RARB: variants seen among roughly 807,000 people sequenced by gnomAD.
The protein encoded by RARB is HBV-activated protein.
RARB carries 17 observed loss-of-function variants against 51.9 expected under a neutral mutation model. The observed-to-expected ratio is 0.33, with a 90% CI of 0.22 to 0.49. The LOEUF is 0.49. RARB is among the 20% of genes least tolerant of loss of function. RARB has a pLI of 0.99. For synonymous variants in RARB, 215 were observed against 195.4 expected (o/e 1.10, Z -0.84); for missense variants, 369 against 550.8 (o/e 0.67, Z 3.30).
chr3:25,107,833 A>G (rs1437166745), intron 3 of RARB, among the ~76,000 whole-genome samples: 1 of 152,224 alleles, frequency 6.6e-6, no homozygotes, highest in Admixed American at 6.5e-5. Flanking sequence ...CGTGGATAAA[A>G]TACTTGTTCT....
At chr3:25,221,648 G>T (rs1337334740) in intron 5 of RARB, among the ~76,000 whole-genome samples, 2 of 151,272 alleles carry the variant, frequency 1.3e-5, no homozygotes, top group Non-Finnish European at 3.0e-5. Context: ...ACCGTTTCTG[G>T]CAGTCTTAAA....
At chr3:24,856,741 A>G (rs1445476866) in intron 1 of RARB, among the ~76,000 whole-genome samples, 3 of 152,206 alleles carry the variant, frequency 2.0e-5, no homozygotes, top group Admixed American at 2.0e-4. Flanking sequence ...TGAAGTTACA[A>G]CAATTTGAAC....
At chr3:25,402,354 G>A (rs1274431800) in intron 5 of RARB, among the ~76,000 whole-genome samples, 1 of 152,140 alleles carries the variant, frequency 6.6e-6, no homozygotes. Context: ...ACTGTTGATG[G>A]GAATGTAAAT....
At chr3:25,152,261 C>T (rs1700299621) in intron 4 of RARB, among the ~76,000 whole-genome samples, 1 of 151,044 alleles carries the variant, frequency 6.6e-6, no homozygotes, top group Non-Finnish European at 1.5e-5. Flanking sequence ...GTGCTTTCAA[C>T]TCACTTGTCT....
At chr3:24,905,528 A>T (rs1314637562) in intron 2 of RARB, among the ~76,000 whole-genome samples, 2 of 152,192 alleles carry the variant, frequency 1.3e-5, no homozygotes, top group Non-Finnish European at 1.5e-5. Flanking sequence ...CTGGCCAGTG[A>T]GACACTGGGG....
At chr3:24,915,342 A>C (rs1695084362) in intron 2 of RARB, among the ~76,000 whole-genome samples, 1 of 152,228 alleles carries the variant, frequency 6.6e-6, no homozygotes, top group African/African-American at 2.4e-5. Flanking sequence ...AAATATTTTA[A>C]CACAAATCAT....
At position 25,596,788 on chromosome 3, in the gene RARB, T is replaced by C. The variant is rs1410105671; in HGVS notation, c.*172T>C. On this transcript the variant is annotated 3_prime_UTR_variant, in exon 8 of 8. Transcript: ENST00000330688. ...ATATATATACTCCTCACTGTGTAAC[T>C]TACCTAGAAATACAAACTTTTCCAA... 2 of 466,102 alleles carry C rather than the reference T, an allele frequency of 4.3e-6. No individual in the cohort carries two copies. The highest frequency in any genetic ancestry group is 3.4e-5 in the East Asian group (1 of 29,134). 28.9% of individuals were successfully genotyped at this position (466,102 alleles called of 1,614,324 possible).
chr3:24,866,125 A>T (rs1304571539), intron 2 of RARB, among the ~76,000 whole-genome samples: 1 of 151,998 alleles, frequency 6.6e-6, no homozygotes, highest in East Asian at 1.9e-4. Context: ...ATGAAGTCTA[A>T]CTCCTAGGCT....
intron 5 of RARB, among the ~76,000 whole-genome samples, chr3:25,208,411 G>A (rs1244674267): frequency 6.6e-6 from 1 of 152,084 alleles, no homozygotes; most frequent in African/African-American, 2.4e-5. Flanking sequence ...CAGTGATTCT[G>A]TTGAATTTCT....
chr3:25,209,303 T>C (rs1226828383), intron 5 of RARB, among the ~76,000 whole-genome samples: 1 of 152,220 alleles, frequency 6.6e-6, no homozygotes, highest in South Asian at 2.1e-4. Flanking sequence ...ATTGTGATTT[T>C]ATTCAACTTT....
intron 1 of RARB, among the ~76,000 whole-genome samples, chr3:25,459,678 A>T (rs1477336648): frequency 6.6e-6 from 1 of 152,194 alleles, no homozygotes; most frequent in Admixed American, 6.5e-5. Context: ...ATGGATTAAC[A>T]ATAAGTTTAG....
chr3:25,406,110 C>T (rs1221861109), intron 5 of RARB, among the ~76,000 whole-genome samples: 4 of 152,168 alleles, frequency 2.6e-5, no homozygotes, highest in African/African-American at 7.2e-5. Context: ...CTCTCCATTC[C>T]CGTGACTCTG....
At chr3:25,183,555 C>T (rs1700910507) in intron 5 of RARB, among the ~76,000 whole-genome samples, 1 of 152,144 alleles carries the variant, frequency 6.6e-6, no homozygotes, top group African/African-American at 2.4e-5. Context: ...AAAAACCATT[C>T]ATATTACAAG....
chr3:25,250,898 A>G (rs995041879), intron 5 of RARB, among the ~76,000 whole-genome samples: 9 of 152,156 alleles, frequency 5.9e-5, no homozygotes, highest in African/African-American at 2.2e-4. Flanking sequence ...GGGAATCTGT[A>G]GCAATTGGGT....
At chr3:24,982,577 A>G (rs1346184287) in intron 2 of RARB, among the ~76,000 whole-genome samples, 3 of 152,080 alleles carry the variant, frequency 2.0e-5, no homozygotes, top group Non-Finnish European at 4.4e-5. Flanking sequence ...TTTCCTTTAT[A>G]CCTGAGTAAT....
At chr3:25,470,163 A>G (rs1354037275) in intron 2 of RARB, among the ~76,000 whole-genome samples, 1 of 152,188 alleles carries the variant, frequency 6.6e-6, no homozygotes, top group Non-Finnish European at 1.5e-5. Context: ...TAGCTCCTGG[A>G]ACTTCTAAGT....
intron 3 of RARB, among the ~76,000 whole-genome samples, chr3:25,127,075 A>T (rs1322661907): frequency 6.6e-6 from 1 of 152,152 alleles, no homozygotes; most frequent in Non-Finnish European, 1.5e-5. Context: ...CGCCTGCATC[A>T]GTAGACTCCC....
At chr3:25,184,758 G>A (rs1238431037) in intron 5 of RARB, among the ~76,000 whole-genome samples, 1 of 152,050 alleles carries the variant, frequency 6.6e-6, no homozygotes, top group African/African-American at 2.4e-5. Context: ...TAAGTATGGT[G>A]GCTCACACCT....
At position 25,212,690 on chromosome 3, in the gene RARB, T is replaced by C. The variant is rs562090063; in HGVS notation, c.178+38115T>C. ...CCAGACCATTGTGTCCCTAAATCTT[T>C]ATATCACCTATCAAATTATCTCTCC... On this transcript the variant is annotated intron_variant, in intron 5 of 11. Coordinates refer to the RARB transcript ENST00000383772. 2.6e-5 allele frequency among the ~76,000 whole-genome samples: 4 copies of C among 152,324 alleles called. No individual in the cohort carries two copies. The East Asian group carries it at 7.7e-4, about 29-fold the overall frequency.
Sources: allele counts gnomAD v4.1 joint callset (sites outside exome capture counted in the v4.1 genomes callset), GRCh38; gene constraint gnomAD v4.1.1; transcripts MANE v1.5; gene names NCBI Gene and HGNC (gene_info 2026-07-23, HGNC 2026-07-21).